The following PARD3B variants were observed in gnomAD, a reference collection of about 807,000 sequenced individuals.
The protein encoded by PARD3B is par-3 family cell polarity regulator beta.
PARD3B carries 103 observed loss-of-function variants against 130.2 expected under a neutral mutation model. The ratio of observed to expected loss-of-function variants is 0.79; its 90% CI spans 0.67 to 0.93. PARD3B has a LOEUF of 0.93. Among genes scored for constraint, PARD3B ranks in the 40% least tolerant of loss-of-function variants. The probability of loss-of-function intolerance (pLI) is 0.00; values close to 1 mark genes in which losing one functional copy is unlikely to be tolerated. For synonymous variants in PARD3B, 583 were observed against 553.2 expected, an observed-to-expected ratio of 1.05 and a Z score of -0.76; for missense variants, 1,609 against 1,499.2, an observed-to-expected ratio of 1.07 and a Z score of -1.21.
At chr2:205,479,848 A>G (rs1443427725) in intron 20 of PARD3B, among the ~76,000 whole-genome samples, 1 of 150,834 alleles carries the variant, frequency 6.6e-6, no homozygotes, top group Non-Finnish European at 1.5e-5. Flanking sequence ...GTTCAACCTC[A>G]TCACTTGCCA....
intron 1 of PARD3B, among the ~76,000 whole-genome samples, chr2:204,598,554 T>A (rs1448511544): frequency 2.0e-5 from 3 of 152,100 alleles, no homozygotes; most frequent in African/African-American, 7.2e-5. Flanking sequence ...ATTAAATGAA[T>A]TAATATTTAT....
At chr2:204,903,280 C>A (rs1357192762) in intron 2 of PARD3B, among the ~76,000 whole-genome samples, 1 of 152,180 alleles carries the variant, frequency 6.6e-6, no homozygotes, top group Non-Finnish European at 1.5e-5. Flanking sequence ...ATAGAACTTT[C>A]TTATGACTCA....
At chr2:204,744,352 C>T (rs2040132730) in intron 2 of PARD3B, among the ~76,000 whole-genome samples, 1 of 151,988 alleles carries the variant, frequency 6.6e-6, no homozygotes, top group Non-Finnish European at 1.5e-5. Context: ...CAAACGAGGC[C>T]AAAGCAAACA....
rs1280793924 is a variant in PARD3B at position 205,489,496 on chromosome 2, TGTATATATATATAC to T, written c.3045-10385_3045-10372del. On this transcript the variant is annotated intron_variant, in intron 20 of 22. Transcript: ENST00000406610. ...GCCTCTAAATATACATATATATGTG[TGTATATATATATAC>T]GTATATATATATACACACATATATA... Among the ~76,000 whole-genome samples the T allele has an allele frequency of 2.4e-4, 33 of 140,246 alleles. 2 individuals carry two copies. The South Asian group carries it at 5.9e-3, about 25-fold the overall frequency. The allele number at this position is 140,246 out of a possible 152,430, so 92.0% of individuals were successfully genotyped here. A position where few individuals can be genotyped will look rare whatever the true frequency, so the allele number is the denominator to read the frequency against.
chr2:205,586,443 G>A (rs1337917639), intron 22 of PARD3B, among the ~76,000 whole-genome samples: 2 of 152,132 alleles, frequency 1.3e-5, no homozygotes, highest in African/African-American at 4.8e-5. Flanking sequence ...TATCCAGAAA[G>A]GGTTCTGTTG....
rs1314683568 is a variant in PARD3B at position 205,281,475 on chromosome 2, G to A, written c.2186-19055G>A. On this transcript the variant is annotated intron_variant, in intron 16 of 22. Transcript: ENST00000406610. This position sits in a 1 kb window ranked among gnomAD's most constrained non-coding sequence, Gnocchi z 4.2. ...GAAAGAGACCTTGTTCCAGTGAACA[G>A]TTAGCAAACTAGGGAGATGCAGTAT... Among the ~76,000 whole-genome samples, 3 of 152,156 alleles carry A rather than the reference G, an allele frequency of 2.0e-5. No homozygotes were observed. Among genetic ancestry groups the A allele is most frequent in the Non-Finnish European group, 4.4e-5 (3 of 68,000 alleles).
intron 1 of PARD3B, among the ~76,000 whole-genome samples, chr2:204,608,655 G>T (rs956780539): frequency 6.6e-6 from 1 of 152,050 alleles, no homozygotes; most frequent in African/African-American, 2.4e-5. Context: ...CATTTCACAG[G>T]GATCTCAAAT....
chr2:205,461,160 A>G lies in PARD3B; in HGVS notation c.3044+20488A>G, dbSNP rs1020440104. On this transcript the variant is annotated intron_variant, in intron 20 of 22. Coordinates refer to ENST00000406610, the MANE Select transcript of PARD3B (RefSeq NM_001302769.2). The surrounding 1 kb of genome is among the most constrained non-coding windows in gnomAD (Gnocchi z 4.3). ...GTCATAAACATATTTGACACTGTGG[A>G]GGATCAAGAAAGAAGTCACTGAGAA... Among the ~76,000 whole-genome samples the G allele has an allele frequency of 1.3e-5, 2 of 152,224 alleles. No homozygotes were observed. Among genetic ancestry groups the G allele is most frequent in the Admixed American group, 6.5e-5 (1 of 15,286 alleles).
chr2:205,245,297 T>C (rs12996746), intron 15 of PARD3B, among the ~76,000 whole-genome samples: 1 of 152,232 alleles, frequency 6.6e-6, no homozygotes, highest in Non-Finnish European at 1.5e-5. Context: ...TCTTGTTTTG[T>C]CTAGTTTTTA....
chr2:205,125,578 TTGTGGCTGTTCA>T lies in PARD3B; in HGVS notation c.1306-29_1306-18del. The T allele has an allele frequency of 1.2e-6, 2 of 1,609,636 alleles. No homozygotes were observed. ...TAGAAGGAGATAACAAGTATTGTGA[TTGTGGCTGTTCA>T]TATGCTTTTATTCATTAGGTAAATG... On this transcript the variant is annotated intron_variant, in intron 9 of 22. Transcript: ENST00000406610. This position sits in a 1 kb window ranked among gnomAD's most constrained non-coding sequence, Gnocchi z 4.0.
At chr2:205,537,339 G>T (rs149087173) in intron 21 of PARD3B, among the ~76,000 whole-genome samples, 1 of 152,336 alleles carries the variant, frequency 6.6e-6, no homozygotes, top group African/African-American at 2.4e-5. Context: ...AGCTGCCAAA[G>T]TTGGGATTTG....
chr2:204,855,137 T>C (rs748983093), intron 2 of PARD3B, among the ~76,000 whole-genome samples: 5 of 152,162 alleles, frequency 3.3e-5, no homozygotes, highest in Non-Finnish European at 7.3e-5. Context: ...AAATGAGAAC[T>C]ACTAGGCTCA....
intron 2 of PARD3B, among the ~76,000 whole-genome samples, chr2:204,736,744 G>A (rs2039774283): frequency 6.6e-6 from 1 of 152,142 alleles, no homozygotes; most frequent in South Asian, 2.1e-4. Flanking sequence ...AAACATACGT[G>A]TGCAAGTGTC....
At chr2:205,284,993 G>GTTTT (rs5837964) in intron 16 of PARD3B, among the ~76,000 whole-genome samples, 5 of 143,800 alleles carry the variant, frequency 3.5e-5, no homozygotes, top group Admixed American at 1.4e-4. Context: ...GCACAAAACA[G>GTTTT]TTTTTTTTTT....
At position 205,291,906 on chromosome 2, in the gene PARD3B, T is replaced by C. The variant is rs895077892; in HGVS notation, c.2186-8624T>C. 6.6e-5 allele frequency among the ~76,000 whole-genome samples: 10 copies of C among 152,242 alleles called. No homozygotes were observed. Among genetic ancestry groups the C allele is most frequent in the Admixed American group, 6.5e-4 (10 of 15,280 alleles). On this transcript the variant is annotated intron_variant, in intron 16 of 22. Coordinates refer to ENST00000406610, the MANE Select transcript of PARD3B (RefSeq NM_001302769.2). The surrounding 1 kb of genome is among the most constrained non-coding windows in gnomAD (Gnocchi z 4.6). ...GCTATTCTCCAGGACAATGGAAGAA[T>C]GACTCTGAAGGCAATTCAGTGATCA...
At chr2:204,803,157 A>ATATATAT (rs1414932505) in intron 2 of PARD3B, among the ~76,000 whole-genome samples, 5 of 137,270 alleles carry the variant, frequency 3.6e-5, no homozygotes, top group African/African-American at 1.1e-4. Context: ...AAAAAAAAAA[A>ATATATAT]AAAAAAATAT....
intron 2 of PARD3B, among the ~76,000 whole-genome samples, chr2:204,823,427 T>G (rs1360473171): frequency 1.3e-5 from 2 of 152,156 alleles, no homozygotes; most frequent in East Asian, 3.9e-4. Flanking sequence ...ATGTATTACA[T>G]GTACTATGGT....
intron 4 of PARD3B, among the ~76,000 whole-genome samples, chr2:205,100,119 C>G (rs1702661194): frequency 6.6e-6 from 1 of 152,036 alleles, no homozygotes. Context: ...CTAACTGGAA[C>G]TAGATGAAAA....
At chr2:205,474,336 G>T (rs758943538) in intron 20 of PARD3B, among the ~76,000 whole-genome samples, 5 of 151,760 alleles carry the variant, frequency 3.3e-5, no homozygotes, top group African/African-American at 7.3e-5. Flanking sequence ...GTTTCTTCTG[G>T]TTTTTTGTTT....
Sources: allele counts gnomAD v4.1 joint callset (sites outside exome capture counted in the v4.1 genomes callset), GRCh38; gene constraint gnomAD v4.1.1; non-coding constraint Gnocchi (gnomAD v3.1); transcripts MANE v1.5; gene names NCBI Gene and HGNC (gene_info 2026-07-23, HGNC 2026-07-21).